Variants in SMYD3 observed in about 807,000 individuals in gnomAD.
SMYD3 encodes histone-lysine N-methyltransferase SMYD3.
A neutral mutation model predicts 57.7 loss-of-function variants in SMYD3; 36 were observed. That is an observed-to-expected ratio of 0.62 (90% CI 0.48 to 0.82). The LOEUF is 0.82. Ranked by LOEUF, SMYD3 falls within the 40% of genes least tolerant of loss-of-function variation. The pLI, the probability that SMYD3 is intolerant of heterozygous loss-of-function variation, is 0.00. For synonymous variants in SMYD3, 211 were observed against 195.0 expected (o/e 1.08, Z -0.68); for missense variants, 515 against 538.8 (o/e 0.96, Z 0.44).
At chr1:246,061,753 C>G (rs1321947409) in intron 5 of SMYD3, among the ~76,000 whole-genome samples, 1 of 151,972 alleles carries the variant, frequency 6.6e-6, no homozygotes, top group Admixed American at 6.6e-5. Flanking sequence ...AAAGTTAAAG[C>G]TAACAAAATA....
intron 1 of SMYD3, among the ~76,000 whole-genome samples, chr1:246,386,391 T>C (rs778950500): frequency 5.9e-5 from 9 of 152,160 alleles, no homozygotes; most frequent in Non-Finnish European, 1.0e-4. Flanking sequence ...CAGAAGTCTG[T>C]TGTGAATTCA....
At chr1:246,058,999 C>A (rs559838733) in intron 5 of SMYD3, among the ~76,000 whole-genome samples, 2 of 152,044 alleles carry the variant, frequency 1.3e-5, no homozygotes, top group East Asian at 1.9e-4. Flanking sequence ...CTCAGCCTCC[C>A]GAGTAGCTGG....
At chr1:245,941,526 G>T (rs756936971) in intron 5 of SMYD3, among the ~76,000 whole-genome samples, 30 of 151,830 alleles carry the variant, frequency 2.0e-4, no homozygotes, top group Non-Finnish European at 4.0e-4. Flanking sequence ...CATTTTTTTC[G>T]TTTGTTTGTT....
rs572834087 is a variant in SMYD3 at position 245,955,591 on chromosome 1, G to C, written c.532-25654C>G. On this transcript the variant is annotated intron_variant, in intron 5 of 11. Coordinates refer to ENST00000490107, the MANE Select transcript of SMYD3 (RefSeq NM_001167740.2). ...TAGATTTACCTGATACCTGAGTATA[G>C]ATAGTACAGTATATTGTTATAATTG... Among the ~76,000 whole-genome samples the C allele has an allele frequency of 4.6e-5, 7 of 152,272 alleles. No individual in the cohort carries two copies. In the South Asian group the frequency reaches 1.5e-3, roughly 32 times the overall value.
At chr1:246,378,997 C>T (rs1016685104) in intron 1 of SMYD3, among the ~76,000 whole-genome samples, 4 of 142,232 alleles carry the variant, frequency 2.8e-5, no homozygotes, top group African/African-American at 1.0e-4. Context: ...ACTATAACAT[C>T]TATTTCCCCC....
At chr1:246,267,872 A>G (rs1440160752) in intron 5 of SMYD3, among the ~76,000 whole-genome samples, 4 of 152,228 alleles carry the variant, frequency 2.6e-5, no homozygotes, top group African/African-American at 9.6e-5. Flanking sequence ...TTCTATTCCC[A>G]AAGTCTAGGG....
chr1:246,146,563 C>T (rs544466010), intron 5 of SMYD3, among the ~76,000 whole-genome samples: 161 of 152,176 alleles, frequency 1.1e-3, no homozygotes, highest in Non-Finnish European at 2.0e-3. Flanking sequence ...TATGCAGACC[C>T]GGTGCAGGGT....
chr1:246,182,070 G>A (rs2062560978), intron 5 of SMYD3, among the ~76,000 whole-genome samples: 1 of 152,158 alleles, frequency 6.6e-6, no homozygotes, highest in Non-Finnish European at 1.5e-5. Context: ...TGAGTTAACA[G>A]TCTTAAATTC....
At chr1:245,864,318 C>T (rs563688391) in intron 8 of SMYD3, among the ~76,000 whole-genome samples, 1 of 152,178 alleles carries the variant, frequency 6.6e-6, no homozygotes, top group Non-Finnish European at 1.5e-5. Context: ...CAAATATTCA[C>T]AGCAGCATTG....
At chr1:246,099,403 A>T (rs1180390009) in intron 5 of SMYD3, among the ~76,000 whole-genome samples, 2 of 152,164 alleles carry the variant, frequency 1.3e-5, no homozygotes, top group African/African-American at 4.8e-5. Context: ...TAGGCAATGG[A>T]ACAATGACTG....
At chr1:245,896,473 CAG>C (rs2053810306) in intron 8 of SMYD3, among the ~76,000 whole-genome samples, 1 of 150,310 alleles carries the variant, frequency 6.7e-6, no homozygotes, top group Admixed American at 6.6e-5. Flanking sequence ...GCTGAAGCTC[CAG>C]GGCCTGAGGT....
intron 5 of SMYD3, among the ~76,000 whole-genome samples, chr1:245,932,902 G>A (rs2056805628): frequency 6.6e-6 from 1 of 152,094 alleles, no homozygotes; most frequent in Admixed American, 6.5e-5. Flanking sequence ...TAGTCTTTCT[G>A]GGCTAGTAAA....
At chr1:245,934,582 T>C (rs1572731258) in intron 5 of SMYD3, among the ~76,000 whole-genome samples, 1 of 152,202 alleles carries the variant, frequency 6.6e-6, no homozygotes, top group Non-Finnish European at 1.5e-5. Flanking sequence ...GTCACATAGT[T>C]AAAGGGTTTG....
At chr1:246,146,951 T>C (rs572004691) in intron 5 of SMYD3, among the ~76,000 whole-genome samples, 33 of 152,312 alleles carry the variant, frequency 2.2e-4, no homozygotes, top group African/African-American at 7.9e-4. Context: ...GTGTGGCTTT[T>C]GGAGTTAGAG....
intron 8 of SMYD3, among the ~76,000 whole-genome samples, chr1:245,887,884 G>T (rs1461091711): frequency 6.6e-6 from 1 of 152,174 alleles, no homozygotes; most frequent in Non-Finnish European, 1.5e-5. Context: ...GAGAGAAACA[G>T]GGAGGGAGGG....
At chr1:245,993,953 T>C (rs1219895692) in intron 5 of SMYD3, among the ~76,000 whole-genome samples, 7 of 152,208 alleles carry the variant, frequency 4.6e-5, no homozygotes, top group Non-Finnish European at 8.8e-5. Flanking sequence ...CAATATCCAA[T>C]ATTCCATCCA....
chr1:246,430,141 C>T (rs533471072), intron 1 of SMYD3, among the ~76,000 whole-genome samples: 11 of 149,676 alleles, frequency 7.3e-5, no homozygotes, highest in African/African-American at 2.5e-4. Flanking sequence ...AATAATCATA[C>T]GAGAAATGGT....
chr1:246,240,605 T>C (rs1224555160), intron 5 of SMYD3, among the ~76,000 whole-genome samples: 2 of 152,152 alleles, frequency 1.3e-5, no homozygotes, highest in Non-Finnish European at 2.9e-5. Context: ...AACTTTAAAG[T>C]AGTTTTTTCC....
At chr1:245,797,746 T>C (rs572835406) in intron 10 of SMYD3, among the ~76,000 whole-genome samples, 5 of 150,092 alleles carry the variant, frequency 3.3e-5, no homozygotes, top group Admixed American at 6.6e-5. Context: ...TCTAAGGAGA[T>C]TTCAGGTCCA....
Sources: allele counts gnomAD v4.1 joint callset (sites outside exome capture counted in the v4.1 genomes callset), GRCh38; gene constraint gnomAD v4.1.1; transcripts MANE v1.5; gene names NCBI Gene and HGNC (gene_info 2026-07-23, HGNC 2026-07-21).